LAMA5: variants seen among roughly 807,000 people sequenced by gnomAD.
The protein encoded by LAMA5 is laminin subunit alpha 5, also known as laminin subunit alpha-5.
Under a neutral mutation model 433.4 loss-of-function variants are expected in LAMA5, and 260 were observed. The ratio of observed to expected loss-of-function variants is 0.60; its 90% CI spans 0.54 to 0.66. LAMA5 has a LOEUF of 0.66. Among genes scored for constraint, LAMA5 ranks in the 30% least tolerant of loss-of-function variants. The pLI is 0.00. For synonymous variants in LAMA5, 2,620 were observed against 2,226.6 expected (o/e 1.18, Z -4.97); for missense variants, 5,378 against 5,258.5 (o/e 1.02, Z -0.70).
At position 62,351,892 on chromosome 20, in the gene LAMA5, C is replaced by A; in HGVS notation, c.858+17G>T. ...CCGGCCAGTCCCCCTCCCCCGCCTG[C>A]GCCATGGGCAGCTCACCCGGCGGGT... On this transcript the variant is annotated intron_variant, in intron 5 of 79. Coordinates refer to ENST00000252999, the MANE Select transcript of LAMA5 (RefSeq NM_005560.6). 6.3e-7 allele frequency: 1 copy of A among 1,585,224 alleles called. No homozygotes were observed. Among genetic ancestry groups the A allele is most frequent in the Non-Finnish European group, 8.6e-7 (1 of 1,166,926 alleles).
intron 16 of LAMA5, chr20:62,336,995 G>A: frequency 1.4e-6 from 1 of 690,632 alleles, no homozygotes; most frequent in South Asian, 1.5e-5. Flanking sequence ...ACCTGCTCAT[G>A]GACATGCACG....
chr20:62,353,048 G>A (rs1984603247), intron 3 of LAMA5, 86 bp downstream of exon 3: 13 of 965,052 alleles, frequency 1.3e-5, no homozygotes, highest in South Asian at 1.3e-4. Context: ...CTGGGTATTC[G>A]GAGACCTTCA....
chr20:62,351,575 C>CAGACAGCAGGGTTGT, intron 6 of LAMA5, 129 bp downstream of exon 6: 1 of 832,074 alleles, frequency 1.2e-6, no homozygotes, highest in African/African-American at 1.7e-5. Flanking sequence ...GCAGGTCACA[C>CAGACAGCAGGGTTGT]AGACAGCAGG....
At position 62,332,397 on chromosome 20, in the gene LAMA5, G is replaced by A. The variant is rs1213194254; in HGVS notation, c.3527C>T (p.Thr1176Ile). The change falls in exon 28 of 80, where the codon ACA becomes ATA. Residue 1176 changes from threonine (T) to isoleucine (I), a missense_variant. Thr to Ile is a moderately conservative substitution (Grantham distance 89, BLOSUM62 -1). Coordinates refer to ENST00000252999, the MANE Select transcript of LAMA5 (RefSeq NM_005560.6). ...CAGGAAGAAGCGTGCCTGTTCGGCT[G>A]TGAGCCTCACGCTGGCCTCCGAGTC... ...HLDSEASVRLTAEQARFFLHG... is the reference protein window; with the variant it reads ...HLDSEASVRLIAEQARFFLHG... 3 of 1,612,678 alleles carry A rather than the reference G, an allele frequency of 1.9e-6. No homozygotes were observed. The highest frequency in any genetic ancestry group is 1.7e-4 in the Middle Eastern group (1 of 6,054).
intron 58 of LAMA5, among the ~76,000 whole-genome samples, chr20:62,315,509 G>A (rs1462847906): frequency 6.6e-6 from 1 of 151,992 alleles, no homozygotes; most frequent in African/African-American, 2.4e-5. Flanking sequence ...GGAACAGTCC[G>A]CAGCCACAGG....
intron 9 of LAMA5, 133 bp downstream of exon 9, chr20:62,346,373 G>T: frequency 1.5e-6 from 2 of 1,352,500 alleles, no homozygotes; most frequent in Non-Finnish European, 2.0e-6. Context: ...CCGCCCCGTG[G>T]CCTGGGAGGC....
At chr20:62,341,826 C>CAAAAAAAAAAAAAAAAA (rs11466846) in intron 11 of LAMA5, among the ~76,000 whole-genome samples, 1 of 128,156 alleles carries the variant, frequency 7.8e-6, no homozygotes, top group African/African-American at 3.8e-5. Flanking sequence ...TCTGATCAAC[C>CAAAAAAAAAAAAAAAAA]AAAAAAAAAA....
At chr20:62,327,738 A>T in intron 36 of LAMA5, 69 bp from the exon 37 acceptor site, 1 of 1,592,952 alleles carries the variant, frequency 6.3e-7, no homozygotes. Context: ...CCTGGTACCC[A>T]CCTGCCAATG....
chr20:62,328,708 G>T, intron 34 of LAMA5, 136 bp downstream of exon 34: 1 of 910,626 alleles, frequency 1.1e-6, no homozygotes, highest in Non-Finnish European at 1.6e-6. Context: ...CTGGGCCCAG[G>T]CCCGCAGATG....
In LAMA5 at chr20:62,335,062, C is replaced by T. The variant is rs1981315096; in HGVS notation, c.2441G>A (p.Gly814Asp). The T allele has an allele frequency of 6.2e-7, 1 of 1,612,986 alleles. No individual in the cohort carries two copies. The highest frequency in any genetic ancestry group is 8.5e-7 in the Non-Finnish European group (1 of 1,179,706). The change falls in exon 20 of 80, where the codon GGC becomes GAC. Residue 814 changes from glycine to aspartate, a missense_variant. Gly to Asp is a moderately conservative substitution (Grantham distance 94). Transcript: ENST00000252999. ...CGQACASCKDGFFGLDQADYF... is the reference protein window; with the variant it reads ...CGQACASCKDDFFGLDQADYF... ...GTCAGCCTGATCCAGTCCAAAGAAG[C>T]CATCCTTGCAGGACGCGCAGGCCTG...
intron 2 of LAMA5, among the ~76,000 whole-genome samples, chr20:62,358,101 G>T (rs948044430): frequency 6.6e-6 from 1 of 152,238 alleles, no homozygotes; most frequent in African/African-American, 2.4e-5. Flanking sequence ...AGGGCCTGGG[G>T]GGTCTAGGTG....
At chr20:62,340,608 G>A (rs1350319394) in intron 11 of LAMA5, among the ~76,000 whole-genome samples, 1 of 151,922 alleles carries the variant, frequency 6.6e-6, no homozygotes, top group African/African-American at 2.4e-5. Flanking sequence ...ATCGCACCTG[G>A]CCACAAGTCT....
intron 45 of LAMA5, 37 bp downstream of exon 45, chr20:62,323,419 C>A (rs1218941827): frequency 2.0e-6 from 3 of 1,477,356 alleles, no homozygotes; most frequent in African/African-American, 2.8e-5. Flanking sequence ...CCCGCGCAAC[C>A]CTCCCCAGGG....
rs372998732 is a variant in LAMA5, at chr20:62,351,814, G to A, written c.859-13C>T. The A allele has an allele frequency of 1.7e-5, 27 of 1,596,962 alleles. No homozygotes were observed. In the African/African-American group the frequency reaches 3.5e-4, roughly 21 times the overall value. ...TGCTGTAATAATACTGCACCCGCAG[G>A]CCCCGTGAGCACCAGGCGGCCAGGC... On this transcript the variant is annotated splice_polypyrimidine_tract_variant and intron_variant, in intron 5 of 79. Transcript: ENST00000252999.
chr20:62,333,067 C>T, intron 26 of LAMA5, 23 bp downstream of exon 26: 1 of 1,479,620 alleles, frequency 6.8e-7, no homozygotes, highest in South Asian at 1.4e-5. Flanking sequence ...ACCCATTGCT[C>T]CGTGGGGTCC....
At chr20:62,334,403 G>GC (rs1981144525) in intron 21 of LAMA5, 61 bp from the exon 22 acceptor site, 4 of 1,527,180 alleles carry the variant, frequency 2.6e-6, no homozygotes, top group Non-Finnish European at 3.5e-6. Flanking sequence ...CTGCACAGCG[G>GC]CCCCGGGTCT....
Position 62,339,500 on chromosome 20 carries a change from T to C in LAMA5, c.1478-892A>G, listed in dbSNP as rs1982251837. Among the ~76,000 whole-genome samples, 2 of 152,162 alleles carry C rather than the reference T, an allele frequency of 1.3e-5. 1 individual carries two copies. Among genetic ancestry groups the C allele is most frequent in the South Asian group, 4.1e-4 (2 of 4,830 alleles). On this transcript the variant is annotated intron_variant, in intron 11 of 79. Transcript: ENST00000252999. Reference sequence around the variant, plus strand: ...ATCCGCCTGCCTCGGCCTCCCAAAGTGCTGGGATTAAAATTATAGTTTCTT... The same window carrying C: ...ATCCGCCTGCCTCGGCCTCCCAAAGCGCTGGGATTAAAATTATAGTTTCTT...
At chr20:62,341,780 C>T (rs529723323) in intron 11 of LAMA5, among the ~76,000 whole-genome samples, 9 of 144,828 alleles carry the variant, frequency 6.2e-5, no homozygotes, top group African/African-American at 1.4e-4. Context: ...ACCTGTACTT[C>T]GAACAGACCA....
intron 4 of LAMA5, 41 bp downstream of exon 4, chr20:62,352,201 G>T (rs2427294): frequency 1.9e-6 from 3 of 1,567,942 alleles, no homozygotes; most frequent in Non-Finnish European, 2.6e-6. Flanking sequence ...CCACCTCTCC[G>T]TTCTCCAGCC....
Sources: gnomAD v4.1 joint callset for allele counts (sites outside exome capture counted in the v4.1 genomes callset) on GRCh38, gnomAD v4.1.1 for gene constraint, MANE v1.5 for transcripts, NCBI Gene and HGNC (gene_info 2026-07-23, HGNC 2026-07-21) for gene names.